VOPP1: variants seen among roughly 807,000 people sequenced by gnomAD.
VOPP1 encodes VOPP1 WW domain binding protein, also known as WW domain binding protein VOPP1.
In VOPP1, 8 loss-of-function variants were observed where a neutral mutation model predicts 23.5. The ratio of observed to expected loss-of-function variants is 0.34; its 90% CI spans 0.20 to 0.61. The LOEUF (loss-of-function observed/expected upper bound fraction) is 0.61. Among genes scored for constraint, VOPP1 ranks in the 20% least tolerant of loss-of-function variants. The pLI is 0.78. For synonymous variants in VOPP1, 83 were observed against 97.3 expected (o/e 0.85, Z 0.86); for missense variants, 174 against 238.1 (o/e 0.73, Z 1.77).
chr7:55,535,238 C>T (rs1277106720), intron 1 of VOPP1, among the ~76,000 whole-genome samples: 1 of 152,238 alleles, frequency 6.6e-6, no homozygotes, highest in African/African-American at 2.4e-5. Flanking sequence ...CAGGGGCTCC[C>T]CATTCACTGT....
chr7:55,451,931 G>A (rs1791255162), intron 4 of VOPP1, among the ~76,000 whole-genome samples: 1 of 152,178 alleles, frequency 6.6e-6, no homozygotes, highest in East Asian at 1.9e-4. Context: ...GCTAAAGGTT[G>A]GACTGGCTGT....
chr7:55,443,471 A>G (rs12718966), intron 4 of VOPP1, among the ~76,000 whole-genome samples: 103,364 of 151,508 alleles, frequency 0.68, 35,648 homozygotes, highest in Non-Finnish European at 0.72. Flanking sequence ...GGAGAATGGC[A>G]TGAACGCAGG....
intron 2 of VOPP1, among the ~76,000 whole-genome samples, chr7:55,514,341 G>T (rs116114513): frequency 0.01 from 1,552 of 152,320 alleles, 30 homozygotes; most frequent in African/African-American, 0.036. Flanking sequence ...CCTTGAAGGT[G>T]ATCTAGCACA....
chr7:55,544,918 T>C (rs1797300553), intron 1 of VOPP1, among the ~76,000 whole-genome samples: 1 of 152,240 alleles, frequency 6.6e-6, no homozygotes, highest in African/African-American at 2.4e-5. Context: ...AACCAGATAT[T>C]TTAAATACAT....
chr7:55,537,023 G>T (rs1286865955), intron 1 of VOPP1, among the ~76,000 whole-genome samples: 1 of 152,194 alleles, frequency 6.6e-6, no homozygotes, highest in South Asian at 2.1e-4. Flanking sequence ...AGGCTGAGAG[G>T]ATTAAGGAAG....
Position 55,552,005 on chromosome 7 carries a change from A to G in VOPP1, c.54+20266T>C, listed in dbSNP as rs79170773. ...CAGTGACCCTGCAGCCTGGGCAACA[A>G]GAGTGAGACTGTGTCCAAAAAAAAA... is the stretch of plus-strand genomic sequence containing the variant. On this transcript the variant is annotated intron_variant, in intron 1 of 4. Coordinates refer to ENST00000285279, the MANE Select transcript of VOPP1 (RefSeq NM_030796.5). Among the ~76,000 whole-genome samples the G allele has an allele frequency of 7.2e-3, 1,064 of 148,786 alleles. 6 individuals carry two copies. The highest frequency in any genetic ancestry group is 0.011 in the Non-Finnish European group (743 of 67,296).
intron 2 of VOPP1, among the ~76,000 whole-genome samples, chr7:55,498,441 TGAGGCA>T (rs374979994): frequency 0.9 from 136,258 of 152,096 alleles, 61,203 homozygotes; most frequent in African/African-American, 0.92. Context: ...CATGGGCAGG[TGAGGCA>T]CTCAGGTGAG....
chr7:55,469,789 C>A (rs1318784025), downstream of VOPP1, among the ~76,000 whole-genome samples: 3 of 152,216 alleles, frequency 2.0e-5, no homozygotes, highest in African/African-American at 2.4e-5. Flanking sequence ...GTTCAATATA[C>A]TTGTGTGCAC....
At chr7:55,542,847 T>C (rs1797192797) in intron 1 of VOPP1, among the ~76,000 whole-genome samples, 1 of 152,190 alleles carries the variant, frequency 6.6e-6, no homozygotes, top group Admixed American at 6.5e-5. Flanking sequence ...CCTGGCTTAT[T>C]TCACTTAATG....
At chr7:55,547,452 A>G (rs1277227814) in intron 1 of VOPP1, among the ~76,000 whole-genome samples, 2 of 152,174 alleles carry the variant, frequency 1.3e-5, no homozygotes, top group Non-Finnish European at 2.9e-5. Flanking sequence ...TCTTTAATTT[A>G]AACGTAAGCC....
intron 2 of VOPP1, among the ~76,000 whole-genome samples, chr7:55,498,692 T>C (rs562148603): frequency 3.7e-4 from 56 of 152,268 alleles, no homozygotes; most frequent in South Asian, 2.1e-3. Context: ...TAAAAAAAAG[T>C]ACCTGGGAGA....
rs530565024 is a variant in VOPP1, at chr7:55,522,136, C to T, written c.55-1006G>A. Among the ~76,000 whole-genome samples the T allele has an allele frequency of 3.9e-5, 6 of 152,178 alleles. No individual in the cohort carries two copies. In the South Asian group the frequency reaches 1.2e-3, roughly 32 times the overall value. ...GGTGGGAGGGTGGCTGGATCAGCTCCCTCCTAGCCTGTCCGCAGCCCCAGC... is the reference window on the plus strand; with the variant it reads ...GGTGGGAGGGTGGCTGGATCAGCTCTCTCCTAGCCTGTCCGCAGCCCCAGC... On this transcript the variant is annotated intron_variant, in intron 1 of 4. Coordinates refer to ENST00000285279, the MANE Select transcript of VOPP1 (RefSeq NM_030796.5).
At chr7:55,566,533 G>A (rs1798169532) in intron 1 of VOPP1, among the ~76,000 whole-genome samples, 1 of 152,186 alleles carries the variant, frequency 6.6e-6, no homozygotes, top group South Asian at 2.1e-4. Context: ...CTGCACTCCA[G>A]CCTAGGCGAC....
chr7:55,567,706 AT>A (rs201388844), intron 1 of VOPP1, among the ~76,000 whole-genome samples: 1,665 of 152,302 alleles, frequency 0.011, 11 homozygotes, highest in Middle Eastern at 0.024. Context: ...CAGCCGGTTC[AT>A]TTATTGCTGC....
chr7:55,443,575 C>G (rs1791021615), intron 4 of VOPP1, among the ~76,000 whole-genome samples: 1 of 151,164 alleles, frequency 6.6e-6, no homozygotes. Flanking sequence ...CAAAACCAAA[C>G]AAACAAACAG....
chr7:55,513,525 A>C (rs915093599), intron 2 of VOPP1, among the ~76,000 whole-genome samples: 2 of 152,080 alleles, frequency 1.3e-5, no homozygotes, highest in Admixed American at 6.5e-5. Context: ...AAAAACTAAA[A>C]TAAGTGAGCA....
rs140331664 is a variant in VOPP1 at position 55,437,577 on chromosome 7, C to G, written n.418-1403G>C. Among the ~76,000 whole-genome samples the G allele has an allele frequency of 3.3e-5, 5 of 152,280 alleles. No homozygotes were observed. In the East Asian group the frequency reaches 7.7e-4, roughly 23 times the overall value. On this transcript the variant is annotated intron_variant and non_coding_transcript_variant, in intron 4 of 4. Coordinates refer to the VOPP1 transcript ENST00000462326. ...ATTTTCATCTGATAATAGGCCTAGTCCTGGTTCTTAATGGGCCCTTCCAAT... is the reference window on the plus strand; with the variant it reads ...ATTTTCATCTGATAATAGGCCTAGTGCTGGTTCTTAATGGGCCCTTCCAAT...
At chr7:55,507,083 A>G (rs1311764630) in intron 2 of VOPP1, among the ~76,000 whole-genome samples, 7 of 152,246 alleles carry the variant, frequency 4.6e-5, no homozygotes, top group Non-Finnish European at 8.8e-5. Context: ...ATGAGGCAGC[A>G]GAAGTCCCAG....
intron 4 of VOPP1, among the ~76,000 whole-genome samples, chr7:55,451,419 G>A (rs1480555821): frequency 6.6e-6 from 1 of 152,186 alleles, no homozygotes; most frequent in Non-Finnish European, 1.5e-5. Context: ...TATAGAAGTT[G>A]TTTACATTAT....
Sources: allele counts gnomAD v4.1 joint callset (sites outside exome capture counted in the v4.1 genomes callset), GRCh38; gene constraint gnomAD v4.1.1; transcripts MANE v1.5; gene names NCBI Gene and HGNC (gene_info 2026-07-23, HGNC 2026-07-21).